Variants in SAE1 observed in about 807,000 individuals in gnomAD.
SAE1 encodes the protein SUMO-activating enzyme subunit 1.
SAE1 carries 11 observed loss-of-function variants against 40.6 expected under a neutral mutation model. The ratio of observed to expected loss-of-function variants is 0.27; its 90% CI spans 0.17 to 0.45. The LOEUF (loss-of-function observed/expected upper bound fraction) is 0.45. Among genes scored for constraint, SAE1 ranks in the 20% least tolerant of loss-of-function variants. The pLI is 1.00. For missense variants in SAE1, 373 were observed against 427.3 expected (o/e 0.87, Z 1.12); for synonymous variants, 155 against 154.3 (o/e 1.00, Z -0.03).
chr19:47,131,464 G>A (rs2058142052), intron 1 of SAE1, among the ~76,000 whole-genome samples: 1 of 152,176 alleles, frequency 6.6e-6, no homozygotes, highest in East Asian at 1.9e-4. Flanking sequence ...CTGGCCAACC[G>A]GACAGACGGG....
intron 1 of SAE1, among the ~76,000 whole-genome samples, chr19:47,136,205 C>T (rs1475390265): frequency 6.6e-6 from 1 of 151,980 alleles, no homozygotes; most frequent in Non-Finnish European, 1.5e-5. Context: ...GTGGCACGAT[C>T]TCAGCCCAGT....
intron 7 of SAE1, among the ~76,000 whole-genome samples, chr19:47,199,507 G>C (rs1480177916): frequency 6.6e-6 from 1 of 152,072 alleles, no homozygotes; most frequent in Non-Finnish European, 1.5e-5. Context: ...AACCACTTTG[G>C]AGAGAAAACC....
intron 8 of SAE1, among the ~76,000 whole-genome samples, chr19:47,204,100 T>G (rs1035846774): frequency 2.6e-5 from 4 of 151,716 alleles, no homozygotes; most frequent in African/African-American, 9.7e-5. Context: ...AGGAAGACAC[T>G]TGGGCCCATG....
intron 6 of SAE1, among the ~76,000 whole-genome samples, chr19:47,179,256 A>G (rs997868804): frequency 1.3e-5 from 2 of 151,756 alleles, no homozygotes; most frequent in Non-Finnish European, 2.9e-5. Context: ...CTGTAATCCT[A>G]GCACTTTGGG....
intron 6 of SAE1, among the ~76,000 whole-genome samples, chr19:47,195,149 G>A (rs2058605900): frequency 6.6e-6 from 1 of 150,904 alleles, no homozygotes; most frequent in Non-Finnish European, 1.5e-5. Flanking sequence ...CTGCCTCCCG[G>A]GTTCAAGCGA....
At chr19:47,169,754 C>CAACT (rs1479025176) in intron 5 of SAE1, 64 bp from the exon 6 acceptor site, 8 of 1,057,860 alleles carry the variant, frequency 7.6e-6, no homozygotes, top group Non-Finnish European at 1.0e-5. Flanking sequence ...TAGAGAAGAG[C>CAACT]AACTGCCTTG....
chr19:47,168,415 T>G (rs2123249045), intron 5 of SAE1, among the ~76,000 whole-genome samples: 1 of 152,014 alleles, frequency 6.6e-6, no homozygotes, highest in South Asian at 2.1e-4. Context: ...ACAGTTCTCT[T>G]GCCTCAGCCT....
chr19:47,186,798 T>C (rs542297637), intron 6 of SAE1, among the ~76,000 whole-genome samples: 4 of 152,252 alleles, frequency 2.6e-5, no homozygotes, highest in East Asian at 1.9e-4. Flanking sequence ...GGCAGGACTT[T>C]TGGAGCACAA....
intron 2 of SAE1, 146 bp from the exon 3 acceptor site, chr19:47,150,056 G>A (rs1452750683): frequency 4.4e-6 from 2 of 455,050 alleles, no homozygotes; most frequent in African/African-American, 4.6e-5. Context: ...CCAGCCTGGT[G>A]ACAGAGCAAG....
chr19:47,170,587 G>A (rs2058424968), intron 6 of SAE1, among the ~76,000 whole-genome samples: 1 of 142,102 alleles, frequency 7.0e-6, no homozygotes, highest in Admixed American at 7.5e-5. Context: ...GTTCACTGTA[G>A]CCTCTACTTC....
At position 47,186,025 on chromosome 19, in the gene SAE1, A is replaced by G. The variant is rs182815491; in HGVS notation, c.734-11208A>G. ...GAGGCCTAGGTGGGTGGATCACCTG[A>G]GGTCAGGAGTTCAAGACCAGCCTGG... On this transcript the variant is annotated intron_variant, in intron 6 of 8. Transcript: ENST00000270225. Among the ~76,000 whole-genome samples, 1,324 of 150,936 alleles carry G rather than the reference A, an allele frequency of 8.8e-3. 15 individuals carry two copies. Among genetic ancestry groups the G allele is most frequent in the Non-Finnish European group, 0.01 (706 of 67,722 alleles).
chr19:47,167,515 C>T (rs1049055278), intron 5 of SAE1, among the ~76,000 whole-genome samples: 2 of 152,142 alleles, frequency 1.3e-5, no homozygotes, highest in Admixed American at 1.3e-4. Context: ...GCTGGGATTA[C>T]AGGTGTGAGC....
intron 5 of SAE1, among the ~76,000 whole-genome samples, chr19:47,155,460 C>CT (rs982443685): frequency 1.3e-4 from 19 of 149,160 alleles, no homozygotes; most frequent in African/African-American, 2.7e-4. Flanking sequence ...CTGTCCCAAA[C>CT]TTTTTTTTTT....
chr19:47,172,735 TC>T (rs1477313414), intron 6 of SAE1, among the ~76,000 whole-genome samples: 6 of 149,056 alleles, frequency 4.0e-5, no homozygotes, highest in Admixed American at 6.7e-5. Context: ...CAATCACAGA[TC>T]ATCTACTCCA....
At chr19:47,155,238 T>G in intron 5 of SAE1, 25 bp downstream of exon 5, 1 of 1,510,406 alleles carries the variant, frequency 6.6e-7, no homozygotes, top group Non-Finnish European at 9.2e-7. Context: ...GGGGCAGAGG[T>G]CAGAAACCCT....
chr19:47,132,679 G>A (rs1416320055), intron 1 of SAE1, among the ~76,000 whole-genome samples: 29 of 152,052 alleles, frequency 1.9e-4, no homozygotes, highest in Non-Finnish European at 5.9e-5. Context: ...TTGAGCCCAG[G>A]AGTTTGAGAC....
At chr19:47,170,904 C>T (rs1420879680) in intron 6 of SAE1, among the ~76,000 whole-genome samples, 2 of 152,142 alleles carry the variant, frequency 1.3e-5, no homozygotes, top group Non-Finnish European at 2.9e-5. Context: ...ACTTATCAGT[C>T]CATCTTTGCT....
chr19:47,191,211 G>A (rs2058575644), intron 6 of SAE1, among the ~76,000 whole-genome samples: 1 of 152,040 alleles, frequency 6.6e-6, no homozygotes, highest in Non-Finnish European at 1.5e-5. Flanking sequence ...AGAAGTTCGA[G>A]ACCAGCCTGG....
intron 5 of SAE1, among the ~76,000 whole-genome samples, chr19:47,158,394 A>C (rs757258090): frequency 1.3e-4 from 20 of 152,336 alleles, no homozygotes; most frequent in Non-Finnish European, 2.2e-4. Flanking sequence ...TTTGGTGCTC[A>C]GGAGAAGATT....
Sources: allele counts gnomAD v4.1 joint callset (sites outside exome capture counted in the v4.1 genomes callset), GRCh38; gene constraint gnomAD v4.1.1; transcripts MANE v1.5; gene names NCBI Gene and HGNC (gene_info 2026-07-23, HGNC 2026-07-21).